The following SMAP1 variants were observed in gnomAD, a reference collection of about 807,000 sequenced individuals.
The protein encoded by SMAP1 is small ArfGAP 1, also known as stromal membrane-associated protein 1.
SMAP1 carries 24 observed loss-of-function variants against 58.5 expected under a neutral mutation model. The observed-to-expected ratio is 0.41, with a 90% CI of 0.30 to 0.58. SMAP1 has a LOEUF of 0.58. Among genes scored for constraint, SMAP1 ranks in the 20% least tolerant of loss-of-function variants. The pLI is 0.29. For synonymous variants in SMAP1, 216 were observed against 196.6 expected (o/e 1.10, Z -0.82); for missense variants, 563 against 566.3 (o/e 0.99, Z 0.06).
At chr6:70,838,533 C>T (rs996584642) in intron 7 of SMAP1, among the ~76,000 whole-genome samples, 3 of 152,102 alleles carry the variant, frequency 2.0e-5, no homozygotes, top group African/African-American at 7.2e-5. Context: ...GGACGGGGGG[C>T]ATTCACAGAT....
At chr6:70,773,291 A>T (rs1582157142) in intron 3 of SMAP1, 59 bp from the exon 4 acceptor site, 1 of 1,029,774 alleles carries the variant, frequency 9.7e-7, no homozygotes, top group East Asian at 2.7e-5. Flanking sequence ...AGTGGCGTGA[A>T]TAAAGGGAAG....
chr6:70,823,878 GT>G (rs753268495), intron 6 of SMAP1, among the ~76,000 whole-genome samples: 305 of 140,632 alleles, frequency 2.2e-3, no homozygotes, highest in Middle Eastern at 3.7e-3. Flanking sequence ...GAGCCCAAGG[GT>G]TTTTTTTTTT....
At chr6:70,745,343 T>C (rs1031160147) in intron 2 of SMAP1, among the ~76,000 whole-genome samples, 8 of 152,368 alleles carry the variant, frequency 5.3e-5, no homozygotes, top group African/African-American at 1.9e-4. Flanking sequence ...CTTGAATTAA[T>C]TTTTGTATAA....
rs907131059 is a variant in SMAP1 at position 70,742,778 on chromosome 6, C to T, written c.252+10267C>T. Among the ~76,000 whole-genome samples the T allele has an allele frequency of 5.3e-5, 8 of 152,302 alleles. No individual in the cohort carries two copies. In the South Asian group the frequency reaches 1.5e-3, roughly 28 times the overall value. Reference sequence around the variant, plus strand: ...AGAAAAAGAGGTTTTAATGGACTCACAGTTTCACATGCCTGGGGAGGCCTC... The same window carrying T: ...AGAAAAAGAGGTTTTAATGGACTCATAGTTTCACATGCCTGGGGAGGCCTC... On this transcript the variant is annotated intron_variant, in intron 2 of 10. Transcript: ENST00000370455.
chr6:70,690,688 T>TTATATATATA (rs111848722), intron 1 of SMAP1, among the ~76,000 whole-genome samples: 1 of 136,556 alleles, frequency 7.3e-6, no homozygotes, highest in Non-Finnish European at 1.7e-5. Context: ...GATGTATCTT[T>TTATATATATA]TATATATATA....
intron 5 of SMAP1, 25 bp from the exon 6 acceptor site, chr6:70,798,632 A>T: frequency 6.7e-7 from 1 of 1,487,380 alleles, no homozygotes; most frequent in Non-Finnish European, 8.9e-7. Flanking sequence ...AAGTAAACTT[A>T]TCAAAACTTT....
intron 7 of SMAP1, among the ~76,000 whole-genome samples, chr6:70,845,054 G>GGGTGT (rs1770937492): frequency 6.6e-6 from 1 of 152,146 alleles, no homozygotes; most frequent in Admixed American, 6.5e-5. Context: ...ATTGTAGCAA[G>GGGTGT]GGTGTACTAC....
intron 5 of SMAP1, among the ~76,000 whole-genome samples, chr6:70,793,097 C>T (rs1428210803): frequency 6.6e-6 from 1 of 152,014 alleles, no homozygotes; most frequent in Non-Finnish European, 1.5e-5. Context: ...TGCAGTGGCG[C>T]GATCTCGGCT....
chr6:70,790,766 A>C (rs1191314920), intron 4 of SMAP1, among the ~76,000 whole-genome samples: 1 of 152,204 alleles, frequency 6.6e-6, no homozygotes, highest in Non-Finnish European at 1.5e-5. Context: ...ATAATGACCT[A>C]TCTGTAATAG....
chr6:70,767,324 A>C (rs543351468), intron 3 of SMAP1, among the ~76,000 whole-genome samples: 1 of 152,072 alleles, frequency 6.6e-6, no homozygotes, highest in Non-Finnish European at 1.5e-5. Context: ...TTGAATCTAT[A>C]AATTACCTTG....
chr6:70,773,274 T>G, intron 3 of SMAP1, 76 bp from the exon 4 acceptor site: 1 of 858,718 alleles, frequency 1.2e-6, no homozygotes, highest in South Asian at 1.7e-5. Flanking sequence ...GAGTCCCAGC[T>G]TTGTGGAGTG....
intron 7 of SMAP1, among the ~76,000 whole-genome samples, chr6:70,844,441 C>A (rs1424554557): frequency 2.6e-5 from 4 of 152,068 alleles, no homozygotes; most frequent in Non-Finnish European, 5.9e-5. Context: ...ATCCCCTGAT[C>A]AAAAGTTGGC....
intron 1 of SMAP1, among the ~76,000 whole-genome samples, chr6:70,703,317 G>T (rs777620200): frequency 1.3e-5 from 2 of 152,026 alleles, no homozygotes; most frequent in Non-Finnish European, 2.9e-5. Flanking sequence ...CAAGTGATCC[G>T]CCCACCTCGG....
intron 6 of SMAP1, among the ~76,000 whole-genome samples, chr6:70,800,812 C>T (rs1383085173): frequency 6.6e-6 from 1 of 152,100 alleles, no homozygotes; most frequent in African/African-American, 2.4e-5. Context: ...TGATGGTTTC[C>T]AGCTTCATCC....
intron 4 of SMAP1, among the ~76,000 whole-genome samples, chr6:70,775,520 A>AAT (rs1316007541): frequency 6.6e-6 from 1 of 152,192 alleles, no homozygotes; most frequent in Non-Finnish European, 1.5e-5. Context: ...TTGGAGATTA[A>AAT]ATGTTATGAT....
rs1279063409 is a variant in SMAP1 at position 70,817,316 on chromosome 6, G to T, written c.576+18579G>T. On this transcript the variant is annotated intron_variant, in intron 6 of 10. Transcript: ENST00000370455. ...CTGGAACTGATTGCTAGAAGGAAAA[G>T]CAATCCTTTTTTCATAGTTGATTTA... is the stretch of plus-strand genomic sequence containing the variant. Among the ~76,000 whole-genome samples the T allele has an allele frequency of 5.3e-5, 8 of 152,084 alleles. No homozygotes were observed. The South Asian group carries it at 6.2e-4, about 12-fold the overall frequency.
chr6:70,838,808 C>A, intron 7 of SMAP1, among the ~76,000 whole-genome samples: 1 of 152,082 alleles, frequency 6.6e-6, no homozygotes, highest in Admixed American at 6.6e-5. Context: ...TGGAAAGACA[C>A]TGGAGGAATT....
intron 2 of SMAP1, among the ~76,000 whole-genome samples, chr6:70,751,902 A>G (rs974164284): frequency 3.3e-5 from 5 of 151,852 alleles, no homozygotes; most frequent in African/African-American, 1.2e-4. Flanking sequence ...TCCCCTCCAC[A>G]CCCCCTGTTT....
chr6:70,776,942 C>T (rs1467947925), intron 4 of SMAP1, among the ~76,000 whole-genome samples: 1 of 152,148 alleles, frequency 6.6e-6, no homozygotes, highest in Non-Finnish European at 1.5e-5. Context: ...AATAGAGCTG[C>T]AGTAAACATG....
Sources: gnomAD v4.1 joint callset for allele counts (sites outside exome capture counted in the v4.1 genomes callset) on GRCh38, gnomAD v4.1.1 for gene constraint, MANE v1.5 for transcripts, NCBI Gene and HGNC (gene_info 2026-07-23, HGNC 2026-07-21) for gene names.